MYO1D: variants seen among roughly 807,000 people sequenced by gnomAD.
The protein encoded by MYO1D is unconventional myosin-Id.
A neutral mutation model predicts 122.0 loss-of-function variants in MYO1D; 83 were observed. The ratio of observed to expected loss-of-function variants is 0.68; its 90% confidence interval spans 0.57 to 0.82. MYO1D has a LOEUF of 0.82. Among genes scored for constraint, MYO1D ranks in the 40% least tolerant of loss-of-function variants. The pLI, the probability that MYO1D is intolerant of heterozygous loss-of-function variation, is 0.00. For synonymous variants in MYO1D, 464 were observed against 446.9 expected (o/e 1.04, Z -0.48); for missense variants, 1,157 against 1,269.5 (o/e 0.91, Z 1.35).
rs2089464211 is a variant in MYO1D, at chr17:32,717,645, G to T, written c.1913+3378C>A. On this transcript the variant is annotated intron_variant, in intron 15 of 21. Coordinates refer to ENST00000318217, the MANE Select transcript of MYO1D (RefSeq NM_015194.3). ...ATTTTGACACAGAATACAATTCTAG[G>T]CATGAAAGCCCTTTCCTTACACTGT... Among the ~76,000 whole-genome samples the T allele has an allele frequency of 2.6e-5, 4 of 152,166 alleles. No homozygotes were observed. The South Asian group carries it at 8.3e-4, about 32-fold the overall frequency.
chr17:32,768,561 T>G (rs982033736), intron 6 of MYO1D, among the ~76,000 whole-genome samples: 1 of 152,222 alleles, frequency 6.6e-6, no homozygotes, highest in Non-Finnish European at 1.5e-5. Context: ...GATGCTCACT[T>G]GTTGAGGAAG....
intron 21 of MYO1D, among the ~76,000 whole-genome samples, chr17:32,532,998 A>C (rs1910559990): frequency 6.6e-6 from 1 of 152,200 alleles, no homozygotes; most frequent in Non-Finnish European, 1.5e-5. Context: ...GAATAAGATC[A>C]TGATGGCTTT....
chr17:32,647,539 C>T (rs1356022067), intron 19 of MYO1D, among the ~76,000 whole-genome samples: 2 of 152,128 alleles, frequency 1.3e-5, no homozygotes, highest in African/African-American at 4.8e-5. Flanking sequence ...ATTCTTAAAA[C>T]CATCCAACTG....
Position 32,659,097 on chromosome 17 carries a change from ACAG to A in MYO1D, c.2345+15_2345+17del, listed in dbSNP as rs745892338. The A allele has an allele frequency of 2.5e-6, 4 of 1,603,070 alleles. No individual in the cohort carries two copies. Among genetic ancestry groups the A allele is most frequent in the Admixed American group, 3.3e-5 (2 of 59,996 alleles). On this transcript the variant is annotated intron_variant, in intron 17 of 21. Coordinates refer to ENST00000318217, the MANE Select transcript of MYO1D (RefSeq NM_015194.3). Reference sequence around the variant, plus strand: ...GTGCCACCATAAATGGATGCAGCACACAGCAGCACGTTCTTACCTATTGAAAAT... The same window carrying A: ...GTGCCACCATAAATGGATGCAGCACACAGCACGTTCTTACCTATTGAAAAT...
rs191205964 is a variant in MYO1D at position 32,705,312 on chromosome 17, T to G, written c.2121+6676A>C. ...TCTCACTCTGTCCCCCAGGCTGGAGTGCAGTGGCACGATCTCAGCTCACTG... is the reference window on the plus strand; with the variant it reads ...TCTCACTCTGTCCCCCAGGCTGGAGGGCAGTGGCACGATCTCAGCTCACTG... On this transcript the variant is annotated intron_variant, in intron 16 of 21. Transcript: ENST00000318217. 5.3e-5 allele frequency among the ~76,000 whole-genome samples: 8 copies of G among 152,224 alleles called. No homozygotes were observed. In the East Asian group the frequency reaches 1.4e-3, roughly 26 times the overall value.
intron 1 of MYO1D, among the ~76,000 whole-genome samples, chr17:32,812,687 G>A (rs758153183): frequency 6.6e-6 from 1 of 152,134 alleles, no homozygotes; most frequent in Non-Finnish European, 1.5e-5. Context: ...GTAGGACAAC[G>A]GAGAGGACTG....
intron 1 of MYO1D, among the ~76,000 whole-genome samples, chr17:32,788,072 T>C (rs573310771): frequency 2.0e-5 from 3 of 152,328 alleles, no homozygotes; most frequent in Admixed American, 6.5e-5. Context: ...TGTGTGTGTG[T>C]CTGTTTCACT....
chr17:32,747,452 A>G (rs1407045963), intron 12 of MYO1D, among the ~76,000 whole-genome samples: 2 of 152,202 alleles, frequency 1.3e-5, no homozygotes, highest in African/African-American at 4.8e-5. Context: ...GCCTTATATC[A>G]TAAAATATGT....
At position 32,697,989 on chromosome 17, in the gene MYO1D, G is replaced by A. The variant is rs115531085; in HGVS notation, c.2121+13999C>T. On this transcript the variant is annotated intron_variant, in intron 16 of 21. Transcript: ENST00000318217. ...ACAAAAGTGTACAGCAGTCAAAAGA[G>A]TGTGTGTGGGAAGCAGGCCTCTTAG... 2.8e-3 allele frequency among the ~76,000 whole-genome samples: 426 copies of A among 152,328 alleles called. 2 individuals carry two copies. The highest frequency in any genetic ancestry group is 1.0e-2 in the African/African-American group (415 of 41,586).
At chr17:32,814,907 C>T (rs574431814) in intron 1 of MYO1D, among the ~76,000 whole-genome samples, 1 of 152,330 alleles carries the variant, frequency 6.6e-6, no homozygotes, top group South Asian at 2.1e-4. Context: ...CAACACATGA[C>T]TTCAAGTTAC....
At chr17:32,758,869 G>A (rs1598072257) in intron 10 of MYO1D, among the ~76,000 whole-genome samples, 1 of 152,214 alleles carries the variant, frequency 6.6e-6, no homozygotes, top group East Asian at 1.9e-4. Flanking sequence ...TTTATTTAGC[G>A]AAAATTTTTT....
chr17:32,748,695 G>A (rs1177929890), intron 12 of MYO1D, among the ~76,000 whole-genome samples: 2 of 152,096 alleles, frequency 1.3e-5, no homozygotes, highest in African/African-American at 2.4e-5. Context: ...TACTGAACAC[G>A]AACTATGCCA....
chr17:32,535,001 C>A (rs1243205152), intron 21 of MYO1D, among the ~76,000 whole-genome samples: 3 of 152,110 alleles, frequency 2.0e-5, no homozygotes, highest in Non-Finnish European at 2.9e-5. Context: ...AAATGAAAAT[C>A]ATTCGGCTAA....
chr17:32,694,727 A>AAAAAG (rs2089150140), intron 16 of MYO1D, among the ~76,000 whole-genome samples: 2 of 151,494 alleles, frequency 1.3e-5, no homozygotes, highest in East Asian at 3.9e-4. Flanking sequence ...AAAAAAAAAA[A>AAAAAG]AAAAAAATTT....
intron 21 of MYO1D, among the ~76,000 whole-genome samples, chr17:32,568,657 T>C (rs945891753): frequency 1.3e-5 from 2 of 152,210 alleles, no homozygotes; most frequent in Non-Finnish European, 2.9e-5. Context: ...CTGGGATCTG[T>C]GGTCACCTCA....
At chr17:32,832,012 C>G (rs577989643) in intron 1 of MYO1D, among the ~76,000 whole-genome samples, 1 of 152,320 alleles carries the variant, frequency 6.6e-6, no homozygotes, top group East Asian at 1.9e-4. Flanking sequence ...TTTTGGTCAT[C>G]ATCTCACTAG....
At chr17:32,847,703 C>T (rs1169947313) in intron 1 of MYO1D, among the ~76,000 whole-genome samples, 1 of 152,008 alleles carries the variant, frequency 6.6e-6, no homozygotes, top group Non-Finnish European at 1.5e-5. Flanking sequence ...TTAGTAGAGA[C>T]AGGGTTTTGC....
intron 21 of MYO1D, among the ~76,000 whole-genome samples, chr17:32,578,824 T>A (rs1229075157): frequency 2.0e-5 from 3 of 152,130 alleles, no homozygotes; most frequent in Non-Finnish European, 4.4e-5. Context: ...TTATTACATG[T>A]AGGAATTGCC....
intron 14 of MYO1D, among the ~76,000 whole-genome samples, chr17:32,726,317 G>T (rs1234429320): frequency 6.6e-6 from 1 of 152,088 alleles, no homozygotes; most frequent in Non-Finnish European, 1.5e-5. Context: ...CTACTTGGGA[G>T]GCTGAGGCAC....
Sources: allele counts gnomAD v4.1 joint callset (sites outside exome capture counted in the v4.1 genomes callset), GRCh38; gene constraint gnomAD v4.1.1; transcripts MANE v1.5; gene names NCBI Gene and HGNC (gene_info 2026-07-23, HGNC 2026-07-21).